Variants in LYRM4 observed in about 807,000 individuals in gnomAD.
LYRM4 encodes LYR motif containing 4.
In LYRM4, 9 loss-of-function variants were observed where a neutral mutation model predicts 11.7. The ratio of observed to expected loss-of-function variants is 0.77; its 90% CI spans 0.46 to 1.34. LYRM4 has a LOEUF of 1.34. Ranked by LOEUF, LYRM4 falls within the 40% of genes most tolerant of loss-of-function variation. The pLI is 0.00. For synonymous variants in LYRM4, 42 were observed against 40.4 expected, an observed-to-expected ratio of 1.04 and a Z score of -0.15; for missense variants, 133 against 112.5, an observed-to-expected ratio of 1.18 and a Z score of -0.82.
the LYRM4 span, among the ~76,000 whole-genome samples, chr6:5,090,243 C>CT: frequency 7.2e-5 from 11 of 152,154 alleles, no homozygotes; most frequent in African/African-American, 2.7e-4. The surrounding 1 kb of genome is among the most constrained non-coding windows in gnomAD (Gnocchi z 4.8). Flanking sequence ...TAGTTTCTTC[C>CT]TTATTGGCAA....
chr6:5,214,696 G>T (rs1304607683), intron 2 of LYRM4, among the ~76,000 whole-genome samples: 1 of 152,194 alleles, frequency 6.6e-6, no homozygotes, highest in South Asian at 2.1e-4. Context: ...GGCAACTTAC[G>T]CCAGCTTGCA....
At chr6:5,083,458 C>A in the LYRM4 span, among the ~76,000 whole-genome samples, 3 of 152,178 alleles carry the variant, frequency 2.0e-5, no homozygotes, top group Admixed American at 6.5e-5. Flanking sequence ...CAGCAAGAGT[C>A]CAGCAAGGGG....
chr6:5,255,145 C>T (rs1195765746), intron 1 of LYRM4, among the ~76,000 whole-genome samples: 5 of 152,168 alleles, frequency 3.3e-5, no homozygotes, highest in Non-Finnish European at 7.3e-5. Context: ...TGATCTCCTC[C>T]CATTTCTTCA....
chr6:5,248,626 G>C (rs1428546732), intron 1 of LYRM4, among the ~76,000 whole-genome samples: 1 of 152,180 alleles, frequency 6.6e-6, no homozygotes, highest in African/African-American at 2.4e-5. Context: ...CCCTTCCCCA[G>C]CTAGTCCCTA....
At chr6:5,091,804 T>C in the LYRM4 span, among the ~76,000 whole-genome samples, 1 of 152,232 alleles carries the variant, frequency 6.6e-6, no homozygotes, top group Non-Finnish European at 1.5e-5. Context: ...TCCACATTTA[T>C]ACAAACCACG....
intron 2 of LYRM4, among the ~76,000 whole-genome samples, chr6:5,214,224 A>G (rs1762136836): frequency 6.6e-6 from 1 of 151,592 alleles, no homozygotes; most frequent in South Asian, 2.1e-4. Context: ...AGAGAGAGAG[A>G]ATCTGTTTTA....
chr6:5,039,257 G>C, the LYRM4 span, among the ~76,000 whole-genome samples: 4 of 152,088 alleles, frequency 2.6e-5, no homozygotes, highest in Admixed American at 6.6e-5. Flanking sequence ...GAATTTCAAA[G>C]CAAGGTAATA....
chr6:5,212,213 C>T (rs1340381976), intron 2 of LYRM4, among the ~76,000 whole-genome samples: 1 of 152,192 alleles, frequency 6.6e-6, no homozygotes, highest in Non-Finnish European at 1.5e-5. Context: ...AGGGGTGTGG[C>T]AAACTGCAGA....
intron 2 of LYRM4, chr6:5,144,155 G>C: frequency 6.5e-7 from 1 of 1,536,714 alleles, no homozygotes; most frequent in South Asian, 1.2e-5. Context: ...GTGAGGAAGA[G>C]CAAACGTCTG....
chr6:5,163,499 T>A (rs1758890778), intron 2 of LYRM4, among the ~76,000 whole-genome samples: 1 of 127,768 alleles, frequency 7.8e-6, no homozygotes, highest in Non-Finnish European at 1.6e-5. Flanking sequence ...GCATTCCAAC[T>A]TTTTTTTTTT....
intron 2 of LYRM4, chr6:5,138,610 A>T: frequency 1.4e-6 from 1 of 735,200 alleles, no homozygotes. Context: ...CTAAGTCACA[A>T]GAAAACCTTA....
At chr6:5,236,760 C>T (rs959648411) in intron 1 of LYRM4, among the ~76,000 whole-genome samples, 4 of 147,292 alleles carry the variant, frequency 2.7e-5, no homozygotes, top group Admixed American at 6.8e-5. Flanking sequence ...CCAGCCTGAG[C>T]AACACAGTGA....
downstream of LYRM4, chr6:5,104,557 T>C (rs755596288): frequency 2.0e-5 from 3 of 152,168 alleles, no homozygotes; most frequent in Admixed American, 6.5e-5. Context: ...TTACCAGGTA[T>C]GAGCCACCAC....
chr6:5,034,883 T>C, the LYRM4 span, among the ~76,000 whole-genome samples: 1 of 151,220 alleles, frequency 6.6e-6, no homozygotes, highest in Non-Finnish European at 1.5e-5. Flanking sequence ...TTCCAGAAGG[T>C]GATACAATGT....
intron 2 of LYRM4, among the ~76,000 whole-genome samples, chr6:5,122,234 G>C (rs1581319738): frequency 6.6e-6 from 1 of 152,138 alleles, no homozygotes; most frequent in Non-Finnish European, 1.5e-5. Flanking sequence ...CCAGCACCCT[G>C]CTTGGTTGGA....
At chr6:5,168,775 T>C (rs1279363363) in intron 2 of LYRM4, among the ~76,000 whole-genome samples, 3 of 152,154 alleles carry the variant, frequency 2.0e-5, no homozygotes, top group Non-Finnish European at 2.9e-5. Context: ...ATAGGTACTG[T>C]GGTTATGTAC....
chr6:5,128,862 C>A (rs1236115985), intron 2 of LYRM4, among the ~76,000 whole-genome samples: 1 of 152,236 alleles, frequency 6.6e-6, no homozygotes, highest in African/African-American at 2.4e-5. Flanking sequence ...CTGGAGGGAG[C>A]AGATGCTACC....
chr6:5,156,730 A>C (rs1219058920), intron 2 of LYRM4, among the ~76,000 whole-genome samples: 2 of 152,190 alleles, frequency 1.3e-5, no homozygotes, highest in South Asian at 4.1e-4. Context: ...TAAACCCAGA[A>C]ACAGAAACAG....
chr6:5,202,530 T>C (rs1761448947), intron 2 of LYRM4, among the ~76,000 whole-genome samples: 1 of 152,216 alleles, frequency 6.6e-6, no homozygotes, highest in Non-Finnish European at 1.5e-5. Context: ...GGATGGACCA[T>C]GTGGCCTAAC....
Sources: gnomAD v4.1 joint callset for allele counts (sites outside exome capture counted in the v4.1 genomes callset) on GRCh38, gnomAD v4.1.1 for gene constraint, Gnocchi (gnomAD v3.1) non-coding constraint, MANE v1.5 for transcripts, NCBI Gene and HGNC (gene_info 2026-07-23, HGNC 2026-07-21) for gene names.